The following SATB1 variants were observed in gnomAD, a reference collection of about 807,000 sequenced individuals.
The protein encoded by SATB1 is DNA-binding protein SATB1.
Under a neutral mutation model 86.9 loss-of-function variants are expected in SATB1, and 11 were observed. That is an observed-to-expected ratio of 0.13 (90% CI 0.08 to 0.21). The LOEUF (loss-of-function observed/expected upper bound fraction) is 0.21, where lower values mean the gene tolerates loss of function less well. Among genes scored for constraint, SATB1 ranks in the 10% least tolerant of loss-of-function variants. The pLI is 1.00. For synonymous variants in SATB1, 357 were observed against 357.2 expected (o/e 1.00, Z 0.01); for missense variants, 551 against 937.6 (o/e 0.59, Z 5.39).
At position 18,394,545 on chromosome 3, in the gene SATB1, T is replaced by A. The variant is rs763511859; in HGVS notation, c.1123A>T (p.Ile375Phe). Residue 375 changes from isoleucine to phenylalanine, a missense_variant, in exon 7 of 11, where the codon ATC (isoleucine) becomes TTC (phenylalanine). Ile to Phe is a conservative substitution (Grantham distance 21). Coordinates refer to ENST00000338745, the MANE Select transcript of SATB1 (RefSeq NM_002971.6). This position sits in a 1 kb window ranked among gnomAD's most constrained non-coding sequence, Gnocchi z 5.9. ...VSTNTEVSSE[I>F]YQWVRDELKR... ...AGTTCATCGCGTACCCACTGGTAGA[T>A]TTCGGAAGACACCTCTGTGTTGGTC... is the stretch of plus-strand genomic sequence containing the variant. 6.2e-7 allele frequency: 1 copy of A among 1,614,178 alleles called. No homozygotes were observed. Among genetic ancestry groups the A allele is most frequent in the Non-Finnish European group, 8.5e-7 (1 of 1,180,030 alleles).
chr3:18,355,841 A>G (rs1302013435), intron 9 of SATB1, among the ~76,000 whole-genome samples: 2 of 151,990 alleles, frequency 1.3e-5, no homozygotes, highest in South Asian at 2.1e-4. Flanking sequence ...CCATTCTCAG[A>G]AAACTAAAAT....
At chr3:18,351,373 A>T in intron 10 of SATB1, 1 of 1,556,416 alleles carries the variant, frequency 6.4e-7, no homozygotes, top group Non-Finnish European at 8.6e-7. Context: ...AAACGCCTCT[A>T]GACTCTCCTT....
chr3:18,403,824 C>CA (rs756170112), intron 5 of SATB1, among the ~76,000 whole-genome samples: 3 of 152,010 alleles, frequency 2.0e-5, no homozygotes, highest in Non-Finnish European at 2.9e-5. Context: ...ATTTACTGAA[C>CA]AATCTGTCAA....
chr3:18,439,688 G>C (rs550074869), upstream of SATB1, among the ~76,000 whole-genome samples: 2 of 152,134 alleles, frequency 1.3e-5, no homozygotes, highest in Admixed American at 1.3e-4. Context: ...GATGTCAGTG[G>C]AATATGTGAC....
intron 9 of SATB1, among the ~76,000 whole-genome samples, chr3:18,358,698 T>C (rs562763854): frequency 6.6e-6 from 1 of 151,980 alleles, no homozygotes; most frequent in African/African-American, 2.4e-5. Flanking sequence ...TCCCCCAATA[T>C]GTTTATTTTT....
rs958875243 is a variant in SATB1, at chr3:18,348,080, CAT to C, written c.*1088_*1089del. The C allele has an allele frequency of 1.3e-5, 2 of 152,560 alleles. No homozygotes were observed. The highest frequency in any genetic ancestry group is 1.3e-4 in the Admixed American group (2 of 15,284). The allele number at this position is 152,560 out of a possible 1,614,324, so 9.5% of individuals were successfully genotyped here. A position where few individuals can be genotyped will look rare whatever the true frequency, so the allele number is the denominator to read the frequency against. On this transcript the variant is annotated 3_prime_UTR_variant, in exon 11 of 11. Coordinates refer to ENST00000338745, the MANE Select transcript of SATB1 (RefSeq NM_002971.6). The stretch of plus-strand genomic sequence containing the variant: ...ATAGCTGTTTTCATAGCCATAAACT[CAT>C]AAAAAAGAAATACACCTTTATACAG...
At chr3:18,366,257 T>G (rs1224993380) in intron 9 of SATB1, among the ~76,000 whole-genome samples, 1 of 152,118 alleles carries the variant, frequency 6.6e-6, no homozygotes, top group African/African-American at 2.4e-5. Flanking sequence ...TATTCTTTTT[T>G]TTTTTCAAGG....
At position 18,423,885 on chromosome 3, in the gene SATB1, TA is replaced by T. The variant is rs142966330; in HGVS notation, c.-284del. The T allele has an allele frequency of 0.038, 5,665 of 149,410 alleles. 184 individuals are homozygous for T. Among genetic ancestry groups the T allele is most frequent in the Non-Finnish European group, 0.052 (3,522 of 67,136 alleles). 9.3% of individuals were successfully genotyped at this position (149,410 alleles called of 1,614,324 possible). A position where few individuals can be genotyped will look rare whatever the true frequency, so the allele number is the denominator to read the frequency against. On this transcript the variant is annotated 5_prime_UTR_variant, in exon 1 of 11. Transcript: ENST00000338745. ...GAAGAGTAGCCATGAGAAAGGGGTT[TA>T]AAAAAAAAATCACAATTCGAAAACC...
chr3:18,410,653 T>C (rs1697788490), intron 5 of SATB1: 1 of 171,044 alleles, frequency 5.8e-6, no homozygotes, highest in East Asian at 1.6e-4. Context: ...ATACATACTT[T>C]TGAATATATG....
Position 18,378,276 on chromosome 3 carries a change from T to C in SATB1, c.1469A>G (p.Asn490Ser), listed in dbSNP as rs751222723. Residue 490 changes from asparagine (N) to serine (S), a missense_variant, in exon 9 of 11, where the codon AAT becomes AGT. Around this residue, in one of 8 missense-constraint regions of SATB1, gnomAD observed 110 missense variants for 212.2 expected, o/e 0.52. Transcript: ENST00000338745. The stretch of plus-strand genomic sequence containing the variant: ...AATGGAAGCATTAATGTTCATGGTA[T>C]TGTTCTCTGGTTTCCCATTCCTTTC... ...ATERNGKPEN[N>S]TMNINASIYD... The C allele has an allele frequency of 3.1e-6, 5 of 1,612,028 alleles. No individual in the cohort carries two copies. The highest frequency in any genetic ancestry group is 4.2e-6 in the Non-Finnish European group (5 of 1,179,146).
At chr3:18,362,850 A>G (rs1267912200) in intron 9 of SATB1, among the ~76,000 whole-genome samples, 1 of 102,330 alleles carries the variant, frequency 9.8e-6, no homozygotes, top group Non-Finnish European at 1.9e-5. Context: ...ATATTCATAT[A>G]TGCCATGTGC....
upstream of SATB1, among the ~76,000 whole-genome samples, chr3:18,427,178 G>A (rs1698734468): frequency 6.6e-6 from 1 of 152,198 alleles, no homozygotes; most frequent in Non-Finnish European, 1.5e-5. Flanking sequence ...TCTGAAGGAA[G>A]ATATGTTAGC....
At chr3:18,437,282 A>G (rs1220342643) in intron 1 of SATB1, among the ~76,000 whole-genome samples, 2 of 152,122 alleles carry the variant, frequency 1.3e-5, no homozygotes, top group Admixed American at 6.6e-5. Flanking sequence ...ACCACTGAGG[A>G]GCAATAATTT....
intron 1 of SATB1, among the ~76,000 whole-genome samples, chr3:18,422,108 T>C (rs1698427115): frequency 6.6e-6 from 1 of 152,170 alleles, no homozygotes; most frequent in Non-Finnish European, 1.5e-5. Flanking sequence ...TTTATGAACT[T>C]TGATGGTATT....
In SATB1 at chr3:18,386,298, T is replaced by C. The variant is rs1297706518; in HGVS notation, c.1419+101A>G. Reference sequence around the variant, plus strand: ...GCAACTATACGAATTTAAAAACATATAAATCTATGTATCTATCTATCTAAT... The same window carrying C: ...GCAACTATACGAATTTAAAAACATACAAATCTATGTATCTATCTATCTAAT... On this transcript the variant is annotated intron_variant, in intron 8 of 10. Transcript: ENST00000338745. This position sits in a 1 kb window ranked among gnomAD's most constrained non-coding sequence, Gnocchi z 4.5. The C allele has an allele frequency of 1.5e-5, 14 of 910,230 alleles. No homozygotes were observed. Among genetic ancestry groups the C allele is most frequent in the Admixed American group, 9.2e-5 (4 of 43,328 alleles). The allele number at this position is 910,230 out of a possible 1,614,324, so 56.4% of individuals were successfully genotyped here. A position where few individuals can be genotyped will look rare whatever the true frequency, so the allele number is the denominator to read the frequency against.
intron 5 of SATB1, among the ~76,000 whole-genome samples, chr3:18,407,231 G>C (rs1428839498): frequency 6.6e-6 from 1 of 151,932 alleles, no homozygotes; most frequent in Non-Finnish European, 1.5e-5. Context: ...CTTCCAAATG[G>C]ATTTATTTAA....
At position 18,444,393 on chromosome 3, in the gene SATB1, C is replaced by G. The variant is rs1699324411; in HGVS notation, c.-25+1125G>C. On this transcript the variant is annotated intron_variant, in intron 1 of 3. Transcript: ENST00000415069. The surrounding 1 kb of genome is among the most constrained non-coding windows in gnomAD (Gnocchi z 5.1). ...CCCATCCCGACCGCTCTCCCCTACT[C>G]TACCAGCCCACCCCTCCAAGGTCCG... is the stretch of plus-strand genomic sequence containing the variant. Among the ~76,000 whole-genome samples the G allele has an allele frequency of 6.6e-6, 1 of 152,064 alleles. No homozygotes were observed. Among genetic ancestry groups the G allele is most frequent in the Non-Finnish European group, 1.5e-5 (1 of 67,994 alleles).
chr3:18,367,498 G>T (rs975981355), intron 9 of SATB1, among the ~76,000 whole-genome samples: 1 of 152,156 alleles, frequency 6.6e-6, no homozygotes, highest in Non-Finnish European at 1.5e-5. Context: ...GATAAAGTTT[G>T]TAACACTTCT....
intron 5 of SATB1, among the ~76,000 whole-genome samples, chr3:18,413,502 A>G (rs1349794707): frequency 6.6e-6 from 1 of 152,076 alleles, no homozygotes; most frequent in Non-Finnish European, 1.5e-5. Flanking sequence ...TTATTTCTAG[A>G]TCATTTCAAA....
Sources: gnomAD v4.1 joint callset for allele counts (sites outside exome capture counted in the v4.1 genomes callset) on GRCh38, gnomAD v4.1.1 for gene constraint, gnomAD v4.1.1 regional missense constraint, Gnocchi (gnomAD v3.1) non-coding constraint, MANE v1.5 for transcripts, NCBI Gene and HGNC (gene_info 2026-07-23, HGNC 2026-07-21) for gene names.